The following PBRM1 variants were observed in gnomAD, a reference collection of about 807,000 sequenced individuals.
The protein encoded by PBRM1 is polybromo 1.
Under a neutral mutation model 194.5 loss-of-function variants are expected in PBRM1, and 27 were observed. The ratio of observed to expected loss-of-function variants is 0.14; its 90% confidence interval spans 0.10 to 0.19. The LOEUF is 0.19. PBRM1 is among the 10% of genes least tolerant of loss of function. PBRM1 has a pLI of 1.00. For missense variants in PBRM1, 1,466 were observed against 2,077.2 expected (o/e 0.71, Z 5.72); for synonymous variants, 655 against 693.2 (o/e 0.94, Z 0.87).
intron 13 of PBRM1, among the ~76,000 whole-genome samples, chr3:52,622,462 T>C (rs1212269019): frequency 6.6e-6 from 1 of 152,272 alleles, no homozygotes; most frequent in Non-Finnish European, 1.5e-5. Flanking sequence ...TAAAGGGTCC[T>C]GTGCTATCAA....
intron 11 of PBRM1, among the ~76,000 whole-genome samples, chr3:52,631,022 G>A (rs1237023400): frequency 2.6e-5 from 4 of 152,118 alleles, no homozygotes; most frequent in East Asian, 1.9e-4. Context: ...TTTTCCCAAC[G>A]CAAAGAATAT....
intron 25 of PBRM1, among the ~76,000 whole-genome samples, chr3:52,559,871 A>G (rs1296160388): frequency 6.6e-6 from 1 of 151,258 alleles, no homozygotes; most frequent in Non-Finnish European, 1.5e-5. Context: ...AAATCGACCT[A>G]GGGTTCCACT....
At chr3:52,647,563 T>C (rs1656418556) in intron 7 of PBRM1, among the ~76,000 whole-genome samples, 1 of 143,992 alleles carries the variant, frequency 6.9e-6, no homozygotes, top group Non-Finnish European at 1.5e-5. Flanking sequence ...AGCCAATAAG[T>C]AGAAACTATC....
intron 17 of PBRM1, among the ~76,000 whole-genome samples, chr3:52,601,650 TG>T (rs1310106671): frequency 6.6e-6 from 1 of 151,926 alleles, no homozygotes; most frequent in Non-Finnish European, 1.5e-5. Flanking sequence ...GGGACTGGGC[TG>T]TCAAGGGGGC....
Position 52,643,237 on chromosome 3 carries a change from C to T in PBRM1, c.995+11G>A, listed in dbSNP as rs1560693135. The T allele has an allele frequency of 3.1e-6, 5 of 1,587,918 alleles. No individual in the cohort carries two copies. The highest frequency in any genetic ancestry group is 1.3e-5 in the African/African-American group (1 of 74,530). ...CAGGTCAACTCTCAGACTAAACACTCTTTTTCTCACCGGTAATACTTGCTA... is the reference window on the plus strand; with the variant it reads ...CAGGTCAACTCTCAGACTAAACACTTTTTTTCTCACCGGTAATACTTGCTA... On this transcript the variant is annotated intron_variant, in intron 9 of 29. Coordinates refer to ENST00000296302, the Ensembl canonical transcript of PBRM1.
intron 13 of PBRM1, among the ~76,000 whole-genome samples, chr3:52,624,214 T>A (rs1462331653): frequency 6.6e-6 from 1 of 152,226 alleles, no homozygotes; most frequent in Non-Finnish European, 1.5e-5. Context: ...CCTCTTTCCT[T>A]GGCCTATATG....
At chr3:52,547,647 CTT>C (rs764424896), downstream of PBRM1, 8 of 234,058 alleles carry the variant, frequency 3.4e-5, no homozygotes, top group Non-Finnish European at 5.1e-5. Context: ...TCTGTAAACT[CTT>C]GTGTGTGTGT....
intron 13 of PBRM1, among the ~76,000 whole-genome samples, chr3:52,623,121 C>T (rs1278676288): frequency 6.6e-6 from 1 of 152,200 alleles, no homozygotes; most frequent in Non-Finnish European, 1.5e-5. Context: ...TATGTCCCTT[C>T]CTTTCCCAAA....
intron 17 of PBRM1, among the ~76,000 whole-genome samples, chr3:52,597,081 G>C (rs752663016): frequency 2.0e-5 from 3 of 152,148 alleles, no homozygotes; most frequent in Non-Finnish European, 4.4e-5. Flanking sequence ...TGTGGGCATC[G>C]GCTGAGTTCC....
At chr3:52,662,232 C>T (rs1401786866) in exon 4 of PBRM1, 1 of 1,613,442 alleles carries the variant, frequency 6.2e-7, no homozygotes, top group East Asian at 2.2e-5. Flanking sequence ...TTCGAAGGTA[C>T]AAATCCCAGA....
chr3:52,581,784 C>T (rs1439619651), intron 20 of PBRM1, among the ~76,000 whole-genome samples: 2 of 151,822 alleles, frequency 1.3e-5, no homozygotes, highest in African/African-American at 2.4e-5. Context: ...ATTACAGGCA[C>T]GTGCCACCAC....
intron 14 of PBRM1, among the ~76,000 whole-genome samples, chr3:52,616,255 A>G (rs2094946147): frequency 6.6e-6 from 1 of 152,242 alleles, no homozygotes; most frequent in Non-Finnish European, 1.5e-5. Context: ...TTATTTTATA[A>G]TCAAATGTAA....
intron 29 of PBRM1, 74 bp from the exon 32 acceptor site, chr3:52,548,309 A>T: frequency 9.3e-7 from 1 of 1,076,228 alleles, no homozygotes; most frequent in South Asian, 1.8e-5. Flanking sequence ...CTAAGGTCTG[A>T]CGAACTTATT....
intron 22 of PBRM1, among the ~76,000 whole-genome samples, chr3:52,573,101 G>C (rs1487500851): frequency 6.6e-6 from 1 of 152,142 alleles, no homozygotes; most frequent in South Asian, 2.1e-4. Context: ...AAGTGTGCCA[G>C]CTAGCTGTAG....
At chr3:52,650,224 T>C (rs1370591990) in intron 6 of PBRM1, among the ~76,000 whole-genome samples, 1 of 151,542 alleles carries the variant, frequency 6.6e-6, no homozygotes, top group African/African-American at 2.4e-5. Flanking sequence ...TCAGCCAGGT[T>C]TGGTGGCAGG....
chr3:52,585,734 A>C (rs2092277050), intron 20 of PBRM1: 1 of 152,088 alleles, frequency 6.6e-6, no homozygotes, highest in Non-Finnish European at 1.5e-5. Flanking sequence ...CACGTTGGCC[A>C]GGCTGGTCTC....
chr3:52,644,408 C>A (rs1190623251), intron 8 of PBRM1, among the ~76,000 whole-genome samples: 1 of 151,452 alleles, frequency 6.6e-6, no homozygotes, highest in Non-Finnish European at 1.5e-5. Context: ...TTTTTTGAGA[C>A]CGAGTCTCGC....
At position 52,593,641 on chromosome 3, in the gene PBRM1, T is replaced by C. The variant is rs147309842; in HGVS notation, c.2780-4386A>G. 4.0e-3 allele frequency among the ~76,000 whole-genome samples: 612 copies of C among 152,322 alleles called. 3 individuals carry two copies. The highest frequency in any genetic ancestry group is 0.023 in the South Asian group (110 of 4,832). On this transcript the variant is annotated intron_variant, in intron 17 of 29. Coordinates refer to ENST00000296302, the Ensembl canonical transcript of PBRM1. The stretch of plus-strand genomic sequence containing the variant: ...CTGGTATGTTGTGTCTTTGTTTTTG[T>C]TCGTTTCAAAGAACTTCTTGATATC...
At chr3:52,627,188 G>A in intron 13 of PBRM1, 85 bp downstream of exon 14, 1 of 715,690 alleles carries the variant, frequency 1.4e-6, no homozygotes, top group Non-Finnish European at 2.4e-6. Flanking sequence ...CAACTTGATA[G>A]CTTAAAAAAT....
Sources: allele counts gnomAD v4.1 joint callset (sites outside exome capture counted in the v4.1 genomes callset), GRCh38; gene constraint gnomAD v4.1.1; transcripts MANE v1.5; gene names NCBI Gene and HGNC (gene_info 2026-07-23, HGNC 2026-07-21).